ATP13A4: variants seen among roughly 807,000 people sequenced by gnomAD.
The protein encoded by ATP13A4 is ATPase 13A4.
In ATP13A4, 114 loss-of-function variants were observed where a neutral mutation model predicts 142.5. The observed-to-expected ratio is 0.80, with a 90% CI of 0.69 to 0.93. The LOEUF (loss-of-function observed/expected upper bound fraction) is 0.93. ATP13A4 is among the 40% of genes least tolerant of loss of function. The probability of loss-of-function intolerance (pLI) is 0.00; values close to 1 mark genes in which losing one functional copy is unlikely to be tolerated. For synonymous variants in ATP13A4, 488 were observed against 514.8 expected (o/e 0.95, Z 0.70); for missense variants, 1,392 against 1,454.0 (o/e 0.96, Z 0.69).
chr3:193,511,396 A>G lies in ATP13A4; in HGVS notation c.234+3302T>C, dbSNP rs540388810. 2.0e-5 allele frequency among the ~76,000 whole-genome samples: 3 copies of G among 152,306 alleles called. No individual in the cohort carries two copies. The East Asian group carries it at 5.8e-4, about 29-fold the overall frequency. ...GGAGAGATCACCCGACTGAGTATGG[A>G]TGAGAGCTGGAGACTCCCAGTCACA... On this transcript the variant is annotated intron_variant, in intron 2 of 29. Transcript: ENST00000342695.
Position 193,412,259 on chromosome 3 carries a change from A to G in ATP13A4, c.3127T>C (p.Phe1043Leu). Reference sequence around the variant, plus strand: ...GTGATACAGTTGATTGTTCCCAAGAACCAGACTGTAGTGTTCTCAAAACTT... The same window carrying G: ...GTGATACAGTTGATTGTTCCCAAGAGCCAGACTGTAGTGTTCTCAAAACTT... ...FTSFENTTVWFLGTINCITVA... is the reference protein window; with the variant it reads ...FTSFENTTVWLLGTINCITVA... Residue 1043 changes from phenylalanine to leucine, a missense_variant, in exon 27 of 30, where the codon TTC becomes CTC. Transcript: ENST00000342695. The G allele has an allele frequency of 6.2e-7, 1 of 1,613,622 alleles. No individual in the cohort carries two copies. The highest frequency in any genetic ancestry group is 8.5e-7 in the Non-Finnish European group (1 of 1,179,594).
At chr3:193,467,283 C>T (rs1372548848) in intron 10 of ATP13A4, 33 bp downstream of exon 10, 2 of 1,611,954 alleles carry the variant, frequency 1.2e-6, no homozygotes, top group African/African-American at 1.3e-5. Flanking sequence ...AAAAGTATAC[C>T]ATTAAAAATA....
At chr3:193,541,657 C>A (rs939575382) in intron 1 of ATP13A4, among the ~76,000 whole-genome samples, 2 of 152,146 alleles carry the variant, frequency 1.3e-5, no homozygotes, top group Admixed American at 6.5e-5. Context: ...GTATCCAATA[C>A]CCCAATATTC....
In ATP13A4 at chr3:193,528,524, A is replaced by G. The variant is rs115821086; in HGVS notation, c.61-13653T>C. Among the ~76,000 whole-genome samples, 1,015 of 152,306 alleles carry G rather than the reference A, an allele frequency of 6.7e-3. 11 individuals are homozygous for G. The highest frequency in any genetic ancestry group is 0.023 in the African/African-American group (975 of 41,568). ...GTAAAGGGGAAATGAATGATTTGAT[A>G]AGAATGGAAAATTGTTTGGGAGAAT... On this transcript the variant is annotated intron_variant, in intron 1 of 29. Transcript: ENST00000342695.
At chr3:193,462,980 AT>A (rs199645582) in intron 12 of ATP13A4, among the ~76,000 whole-genome samples, 157 bp from the exon 13 acceptor site, 90 of 150,632 alleles carry the variant, frequency 6.0e-4, no homozygotes, top group African/African-American at 8.3e-4. Flanking sequence ...CCACCTCCCT[AT>A]TTTAAAAAAA....
At chr3:193,563,428 A>G (rs899060442) in intron 2 of ATP13A4, among the ~76,000 whole-genome samples, 2 of 152,230 alleles carry the variant, frequency 1.3e-5, no homozygotes, top group African/African-American at 4.8e-5. Flanking sequence ...CAATGTTAAG[A>G]AGTCCACAGA....
chr3:193,499,047 A>G (rs1307472185), intron 3 of ATP13A4, among the ~76,000 whole-genome samples: 1 of 152,246 alleles, frequency 6.6e-6, no homozygotes, highest in Non-Finnish European at 1.5e-5. Context: ...TGCTAACTCT[A>G]TGCAATAGGT....
rs552740678 is a variant in ATP13A4, at chr3:193,514,912, C to A, written c.61-41G>T. On this transcript the variant is annotated intron_variant, in intron 1 of 29. Coordinates refer to ENST00000342695, the MANE Select transcript of ATP13A4 (RefSeq NM_032279.4). Reference sequence around the variant, plus strand: ...AATGATACCAAATATTGGTTAAGCACAATAAACAATAAATGAACAAATACT... The same window carrying A: ...AATGATACCAAATATTGGTTAAGCAAAATAAACAATAAATGAACAAATACT... 66 of 1,585,036 alleles carry A rather than the reference C, an allele frequency of 4.2e-5. 1 individual carries two copies. In the South Asian group the frequency reaches 6.8e-4, roughly 16 times the overall value.
intron 9 of ATP13A4, among the ~76,000 whole-genome samples, chr3:193,468,411 A>G (rs903380249): frequency 2.6e-5 from 4 of 152,168 alleles, no homozygotes; most frequent in African/African-American, 9.7e-5. Context: ...GGTCTGAACT[A>G]TAACAGCTGG....
rs1284764491 is a variant in ATP13A4, at chr3:193,421,012, T to C, written c.2843-6262A>G. Reference sequence around the variant, plus strand: ...AAAACATTTTATTTAATATGATAAGTGCTGAAAACCTTCTAAGTCCTACAA... The same window carrying C: ...AAAACATTTTATTTAATATGATAAGCGCTGAAAACCTTCTAAGTCCTACAA... On this transcript the variant is annotated intron_variant, in intron 25 of 29. Coordinates refer to ENST00000342695, the MANE Select transcript of ATP13A4 (RefSeq NM_032279.4). 3.3e-5 allele frequency among the ~76,000 whole-genome samples: 5 copies of C among 149,978 alleles called. 2 individuals are homozygous for C. Among genetic ancestry groups the C allele is most frequent in the Non-Finnish European group, 7.4e-5 (5 of 67,840 alleles).
intron 1 of ATP13A4, among the ~76,000 whole-genome samples, chr3:193,592,525 T>C (rs991486334): frequency 6.6e-6 from 1 of 152,216 alleles, no homozygotes; most frequent in Non-Finnish European, 1.5e-5. Context: ...GCAGGCTCAC[T>C]GGCCACAAAC....
intron 25 of ATP13A4, among the ~76,000 whole-genome samples, chr3:193,419,639 G>A (rs1208900656): frequency 6.7e-6 from 1 of 149,240 alleles, no homozygotes; most frequent in Non-Finnish European, 1.5e-5. Flanking sequence ...CGAGCTCGCA[G>A]TTGTGCATTC....
intron 16 of ATP13A4, among the ~76,000 whole-genome samples, chr3:193,456,771 G>A (rs866769997): frequency 4.6e-5 from 7 of 152,116 alleles, no homozygotes; most frequent in Non-Finnish European, 8.8e-5. Context: ...GAGATGACAC[G>A]TAAATGGGGT....
At chr3:193,411,867 T>C (rs1238872894) in intron 27 of ATP13A4, among the ~76,000 whole-genome samples, 2 of 152,224 alleles carry the variant, frequency 1.3e-5, no homozygotes, top group African/African-American at 4.8e-5. Context: ...CCAGGGTGAA[T>C]TCTGACAAGT....
intron 1 of ATP13A4, among the ~76,000 whole-genome samples, chr3:193,591,427 G>C (rs1011980501): frequency 3.9e-5 from 6 of 152,224 alleles, no homozygotes; most frequent in African/African-American, 9.6e-5. Context: ...AATGGTTGCA[G>C]TTTATTATAC....
chr3:193,416,976 G>A (rs1041293293), intron 25 of ATP13A4: 1 of 152,116 alleles, frequency 6.6e-6, no homozygotes, highest in African/African-American at 2.4e-5. Context: ...AGCAGTGAGG[G>A]ATAAGTGACA....
At chr3:193,544,092 G>A (rs938704517) in intron 1 of ATP13A4, among the ~76,000 whole-genome samples, 20 of 152,116 alleles carry the variant, frequency 1.3e-4, no homozygotes, top group African/African-American at 4.6e-4. Flanking sequence ...ATGGCTCCAG[G>A]AGACAGGCTC....
intron 25 of ATP13A4, among the ~76,000 whole-genome samples, chr3:193,420,697 CA>C (rs992658770): frequency 6.7e-6 from 1 of 149,054 alleles, no homozygotes; most frequent in African/African-American, 2.5e-5. Flanking sequence ...AGAAACTTAA[CA>C]AAGAGATAAA....
upstream of ATP13A4, among the ~76,000 whole-genome samples, chr3:193,556,168 C>T (rs973622227): frequency 2.0e-5 from 3 of 152,028 alleles, no homozygotes; most frequent in Non-Finnish European, 4.4e-5. Flanking sequence ...TCACATGTAA[C>T]ATAAAGATGA....
Sources: gnomAD v4.1 joint callset for allele counts (sites outside exome capture counted in the v4.1 genomes callset) on GRCh38, gnomAD v4.1.1 for gene constraint, MANE v1.5 for transcripts, NCBI Gene and HGNC (gene_info 2026-07-23, HGNC 2026-07-21) for gene names.